PDZD2: variants seen among roughly 807,000 people sequenced by gnomAD.
PDZD2 encodes the protein PDZ domain containing 2.
A neutral mutation model predicts 220.7 loss-of-function variants in PDZD2; 90 were observed. The observed-to-expected ratio is 0.41, with a 90% CI of 0.34 to 0.49. The LOEUF (loss-of-function observed/expected upper bound fraction) is 0.49. Among genes scored for constraint, PDZD2 ranks in the 20% least tolerant of loss-of-function variants. The pLI is 0.28. For missense variants in PDZD2, 3,174 were observed against 3,608.5 expected (o/e 0.88, Z 3.08); for synonymous variants, 1,375 against 1,450.5 (o/e 0.95, Z 1.18).
intron 1 of PDZD2, among the ~76,000 whole-genome samples, chr5:31,685,750 C>T (rs947323543): frequency 6.6e-6 from 1 of 152,140 alleles, no homozygotes; most frequent in Admixed American, 6.5e-5. Context: ...TCTCAAACTC[C>T]TGGGATCAAG....
At chr5:31,971,231 T>G (rs1206239404) in intron 2 of PDZD2, among the ~76,000 whole-genome samples, 1 of 152,234 alleles carries the variant, frequency 6.6e-6, no homozygotes, top group African/African-American at 2.4e-5. Flanking sequence ...ACCAGCAAGC[T>G]TGGTGTCTAG....
At chr5:31,735,631 C>T (rs1749814396) in intron 1 of PDZD2, among the ~76,000 whole-genome samples, 1 of 152,050 alleles carries the variant, frequency 6.6e-6, no homozygotes. Flanking sequence ...GAAACCCCAT[C>T]TCTACTAAAA....
In PDZD2 at chr5:32,087,522, C is replaced by A. The variant is rs748419155; in HGVS notation, c.4074C>A (p.His1358Gln). Reference sequence around the variant, plus strand: ...AGAGACAGGGAGCTCCAGGTAACCACAGTAAGGCTCTGGAAATGACAGGAA... The same window carrying A: ...AGAGACAGGGAGCTCCAGGTAACCAAAGTAAGGCTCTGGAAATGACAGGAA... ...QEQRQGAPGNHSKALEMTGIH... is the reference protein window; with the variant it reads ...QEQRQGAPGNQSKALEMTGIH... The change falls in exon 20 of 25, where the codon CAC becomes CAA. Residue 1358 changes from histidine (H) to glutamine (Q), a missense_variant. Transcript: ENST00000438447. This position sits in a 1 kb window ranked among gnomAD's most constrained non-coding sequence, Gnocchi z 4.0. 3.1e-6 allele frequency: 5 copies of A among 1,613,252 alleles called. No individual in the cohort carries two copies. The African/African-American group carries it at 5.3e-5, about 17-fold the overall frequency.
chr5:32,071,547 G>T (rs1009019585), intron 16 of PDZD2, 129 bp downstream of exon 16: 7 of 733,118 alleles, frequency 9.5e-6, no homozygotes, highest in Non-Finnish European at 1.7e-5. Flanking sequence ...CTTTATACAG[G>T]AAATCGCAAC....
intron 1 of PDZD2, among the ~76,000 whole-genome samples, chr5:31,717,543 C>T (rs538996387): frequency 1.3e-5 from 2 of 151,874 alleles, no homozygotes; most frequent in East Asian, 3.9e-4. Flanking sequence ...TCCCTGCCTC[C>T]CTCCCCCTTA....
intron 1 of PDZD2, among the ~76,000 whole-genome samples, chr5:31,648,745 A>G (rs1403891259): frequency 2.0e-5 from 3 of 151,768 alleles, no homozygotes; most frequent in Non-Finnish European, 2.9e-5. Flanking sequence ...GATTTCCTGT[A>G]TACCTCTTGC....
intron 2 of PDZD2, among the ~76,000 whole-genome samples, chr5:31,926,526 G>GAAAAAAAAAA (rs71300157): frequency 7.1e-5 from 6 of 83,974 alleles, no homozygotes; most frequent in South Asian, 5.1e-4. Context: ...AACTGCATCT[G>GAAAAAAAAAA]AAAAAAAAAA....
At chr5:31,697,555 C>T (rs940277528) in intron 1 of PDZD2, among the ~76,000 whole-genome samples, 7 of 152,250 alleles carry the variant, frequency 4.6e-5, no homozygotes, top group African/African-American at 1.7e-4. Context: ...TAACCACTTA[C>T]TGTTGACATG....
intron 1 of PDZD2, among the ~76,000 whole-genome samples, chr5:31,751,155 C>T (rs62350672): frequency 0.11 from 16,090 of 150,578 alleles, 999 homozygotes; most frequent in South Asian, 0.15. Flanking sequence ...GCAGGAGAAT[C>T]GTTTGAACCC....
intron 2 of PDZD2, among the ~76,000 whole-genome samples, chr5:31,951,944 T>C (rs1747220369): frequency 6.6e-6 from 1 of 152,220 alleles, no homozygotes; most frequent in Non-Finnish European, 1.5e-5. Context: ...CTATTTTTTG[T>C]TTTTGTCTTA....
At chr5:31,999,792 G>A (rs1236819178) in intron 4 of PDZD2, among the ~76,000 whole-genome samples, 1 of 152,130 alleles carries the variant, frequency 6.6e-6, no homozygotes, top group African/African-American at 2.4e-5. Context: ...ATGGCAGGGA[G>A]GATTAAGAAA....
At chr5:31,798,106 C>A (rs776773092) in intron 1 of PDZD2, among the ~76,000 whole-genome samples, 1 of 152,092 alleles carries the variant, frequency 6.6e-6, no homozygotes, top group Non-Finnish European at 1.5e-5. Flanking sequence ...TGGTGGGAGC[C>A]GCTGGCCCTG....
chr5:31,711,879 G>C (rs924492816), intron 1 of PDZD2, among the ~76,000 whole-genome samples: 1 of 152,238 alleles, frequency 6.6e-6, no homozygotes, highest in African/African-American at 2.4e-5. Flanking sequence ...AGGAGGGGGA[G>C]TTTGCCCTTT....
intron 1 of PDZD2, among the ~76,000 whole-genome samples, chr5:31,740,524 CAAAAAAAAAAAAAAAAAAAAAA>C (rs58965956): frequency 1.3e-4 from 8 of 60,060 alleles, no homozygotes; most frequent in Non-Finnish European, 2.5e-4. Flanking sequence ...GACTCCGTCT[CAAAAAAAAAAAAAAAAAAAAAA>C]AAAAAAAAAA....
chr5:31,912,044 GGCCCCA>G (rs375168725), intron 2 of PDZD2, among the ~76,000 whole-genome samples: 3 of 152,038 alleles, frequency 2.0e-5, no homozygotes, highest in South Asian at 2.1e-4. Flanking sequence ...CCCTGGCCCC[GGCCCCA>G]GCCCCAGCCC....
At position 32,000,937 on chromosome 5, in the gene PDZD2, G is replaced by A. The variant is rs1470019885; in HGVS notation, c.1254+666G>A. On this transcript the variant is annotated intron_variant, in intron 5 of 24. Transcript: ENST00000438447. The surrounding 1 kb of genome is among the most constrained non-coding windows in gnomAD (Gnocchi z 4.5). Reference sequence around the variant, plus strand: ...GTAGGTGAGTGGCCTGTGAGACAGCGTTACCTCCTGAGAGCTCCGCCTCCT... The same window carrying A: ...GTAGGTGAGTGGCCTGTGAGACAGCATTACCTCCTGAGAGCTCCGCCTCCT... 6.6e-6 allele frequency among the ~76,000 whole-genome samples: 1 copy of A among 152,214 alleles called. No homozygotes were observed. The highest frequency in any genetic ancestry group is 1.5e-5 in the Non-Finnish European group (1 of 68,040).
chr5:31,781,943 AG>A (rs36116324), intron 1 of PDZD2, among the ~76,000 whole-genome samples: 82,096 of 151,892 alleles, frequency 0.54, 22,517 homozygotes, highest in East Asian at 0.6. Context: ...CTGAGATAAC[AG>A]GGGGGCCAGG....
chr5:31,721,014 A>C (rs1259774212), intron 1 of PDZD2, among the ~76,000 whole-genome samples: 3 of 152,292 alleles, frequency 2.0e-5, no homozygotes, highest in Middle Eastern at 3.4e-3. Flanking sequence ...CAGAGACAAC[A>C]AGGCAGGAGG....
intron 1 of PDZD2, among the ~76,000 whole-genome samples, chr5:31,733,504 G>A (rs1749659402): frequency 6.6e-6 from 1 of 152,094 alleles, no homozygotes; most frequent in African/African-American, 2.4e-5. Context: ...GAAAACTCAG[G>A]GACTGGCTAA....
Sources: gnomAD v4.1 joint callset for allele counts (sites outside exome capture counted in the v4.1 genomes callset) on GRCh38, gnomAD v4.1.1 for gene constraint, Gnocchi (gnomAD v3.1) non-coding constraint, MANE v1.5 for transcripts, NCBI Gene and HGNC (gene_info 2026-07-23, HGNC 2026-07-21) for gene names.